Variants in NUP214 observed in about 807,000 individuals in gnomAD.
NUP214 encodes nuclear pore complex protein Nup214.
Under a neutral mutation model 196.2 loss-of-function variants are expected in NUP214, and 79 were observed. That is an observed-to-expected ratio of 0.40 (90% CI 0.34 to 0.49). The LOEUF (loss-of-function observed/expected upper bound fraction) is 0.49. Ranked by LOEUF, NUP214 falls within the 20% of genes least tolerant of loss-of-function variation. The pLI is 0.58. For synonymous variants in NUP214, 1,020 were observed against 990.5 expected (o/e 1.03, Z -0.56); for missense variants, 2,468 against 2,539.0 (o/e 0.97, Z 0.60).
intron 32 of NUP214, among the ~76,000 whole-genome samples, chr9:131,224,919 CT>C (rs1834681187): frequency 6.6e-6 from 1 of 152,174 alleles, no homozygotes; most frequent in Non-Finnish European, 1.5e-5. Context: ...TTTTCTTTGA[CT>C]CTTAACGGTT....
chr9:131,200,460 A>G (rs1050836691), intron 29 of NUP214, among the ~76,000 whole-genome samples: 3 of 152,228 alleles, frequency 2.0e-5, no homozygotes, highest in African/African-American at 7.2e-5. Context: ...CTGTAATCCT[A>G]ACACTTTGGG....
chr9:131,135,901 T>C (rs764661329), intron 8 of NUP214, 39 bp from the exon 9 acceptor site: 3 of 1,557,974 alleles, frequency 1.9e-6, no homozygotes, highest in Non-Finnish European at 2.7e-6. Flanking sequence ...GAACTATTGC[T>C]GTATTTGAAC....
chr9:131,164,234 T>A, intron 21 of NUP214, 90 bp downstream of exon 21: 1 of 1,111,254 alleles, frequency 9.0e-7, no homozygotes, highest in Non-Finnish European at 1.4e-6. Flanking sequence ...TGTGCATGTG[T>A]GAGCTAGGGT....
chr9:131,184,934 C>T (rs1032922144), intron 24 of NUP214, among the ~76,000 whole-genome samples: 2 of 152,148 alleles, frequency 1.3e-5, no homozygotes, highest in African/African-American at 4.8e-5. Flanking sequence ...TTTGTTTCTT[C>T]AGTTACTCTT....
rs1483061697 is a variant in NUP214 at position 131,144,313 on chromosome 9, C to T, written c.1328C>T (p.Ala443Val). The T allele has an allele frequency of 1.2e-6, 2 of 1,614,054 alleles. No individual in the cohort carries two copies. Among genetic ancestry groups the T allele is most frequent in the African/African-American group, 1.3e-5 (1 of 75,046 alleles). The change falls in exon 12 of 36, where the codon GCC becomes GTC. Residue 443 changes from alanine (A) to valine (V), a missense_variant. Transcript: ENST00000359428. ...STPTTPTSSQ[A>V]PQKLDASAAA... Reference sequence around the variant, plus strand: ...CCCACTACCCCAACCTCCTCTCAAGCCCCACAGAAACTGGATGCTTCTGCA... The same window carrying T: ...CCCACTACCCCAACCTCCTCTCAAGTCCCACAGAAACTGGATGCTTCTGCA...
intron 9 of NUP214, among the ~76,000 whole-genome samples, chr9:131,137,270 C>T (rs1165407280): frequency 6.6e-6 from 1 of 152,170 alleles, no homozygotes; most frequent in Admixed American, 6.5e-5. Flanking sequence ...TGAAAAGAAT[C>T]ACCCCTGCCC....
At chr9:131,166,657 A>G (rs918017738) in intron 21 of NUP214, among the ~76,000 whole-genome samples, 18 of 152,296 alleles carry the variant, frequency 1.2e-4, no homozygotes, top group Middle Eastern at 3.4e-3. Context: ...CAGGTCAAGA[A>G]ACAGAATATT....
At chr9:131,134,049 C>T (rs1474677026) in intron 7 of NUP214, among the ~76,000 whole-genome samples, 3 of 152,224 alleles carry the variant, frequency 2.0e-5, no homozygotes, top group African/African-American at 7.2e-5. Context: ...TGGGCTTAAG[C>T]CATCCTCCTG....
chr9:131,132,073 A>G (rs1441808346), intron 5 of NUP214, among the ~76,000 whole-genome samples: 2 of 144,356 alleles, frequency 1.4e-5, no homozygotes, highest in African/African-American at 5.2e-5. Context: ...CTCATTACCT[A>G]TATCTGAACA....
At position 131,192,226 on chromosome 9, in the gene NUP214, C is replaced by T; in HGVS notation, c.3593C>T (p.Thr1198Ile). 1.4e-6 allele frequency: 1 copy of T among 706,348 alleles called. No individual in the cohort carries two copies. Among genetic ancestry groups the T allele is most frequent in the Non-Finnish European group, 2.1e-6 (1 of 467,112 alleles). 43.8% of individuals were successfully genotyped at this position (706,348 alleles called of 1,614,324 possible). ...ATTTCAGGGACAGCCAAGATAGAAA[C>T]AGCTGTGACTTCAACCCCATCTGCT... ...DKASGTAKIE[T>I]AVTSTPSASG... Residue 1198 changes from threonine to isoleucine, a missense_variant, in exon 27 of 36, where the codon ACA becomes ATA. Coordinates refer to ENST00000359428, the MANE Select transcript of NUP214 (RefSeq NM_005085.4).
chr9:131,190,446 G>C (rs1833567199), intron 26 of NUP214: 2 of 692,304 alleles, frequency 2.9e-6, no homozygotes, highest in African/African-American at 3.5e-5. Context: ...CCTCTCTTTT[G>C]TTACGAGGTG....
intron 21 of NUP214, among the ~76,000 whole-genome samples, chr9:131,172,018 A>G (rs368554795): frequency 6.6e-6 from 1 of 151,990 alleles, no homozygotes; most frequent in Admixed American, 6.6e-5. Flanking sequence ...AAACATACGT[A>G]TGCATGTGTC....
chr9:131,155,711 C>G (rs751946951), intron 17 of NUP214, among the ~76,000 whole-genome samples: 6 of 152,132 alleles, frequency 3.9e-5, no homozygotes, highest in Non-Finnish European at 7.3e-5. Flanking sequence ...TGCCAATTAT[C>G]CCAGCACTAT....
At chr9:131,196,691 C>A (rs778925823) in intron 28 of NUP214, among the ~76,000 whole-genome samples, 2 of 152,114 alleles carry the variant, frequency 1.3e-5, no homozygotes, top group Non-Finnish European at 2.9e-5. Context: ...ACCACCAGAC[C>A]GTACTGCCTC....
At chr9:131,182,838 A>T (rs995291145) in intron 24 of NUP214, among the ~76,000 whole-genome samples, 1 of 151,888 alleles carries the variant, frequency 6.6e-6, no homozygotes, top group African/African-American at 2.4e-5. Context: ...CTATGACTCT[A>T]TTTTAACTTT....
intron 33 of NUP214, chr9:131,228,628 C>T: frequency 3.7e-6 from 1 of 273,816 alleles, no homozygotes; most frequent in Admixed American, 5.5e-5. Context: ...CCAGCCCTGC[C>T]TTAACTACTG....
chr9:131,199,661 GT>G (rs1263216142), intron 29 of NUP214, among the ~76,000 whole-genome samples: 1 of 152,154 alleles, frequency 6.6e-6, no homozygotes, highest in Non-Finnish European at 1.5e-5. Flanking sequence ...ACTTCTAAAA[GT>G]TATCAATAAG....
chr9:131,131,316 T>C (rs978332585), intron 5 of NUP214, among the ~76,000 whole-genome samples: 13 of 152,248 alleles, frequency 8.5e-5, no homozygotes, highest in African/African-American at 2.9e-4. Flanking sequence ...TGGATACTCT[T>C]GTTGCATGTG....
chr9:131,126,029 A>G, intron 1 of NUP214: 1 of 483,068 alleles, frequency 2.1e-6, no homozygotes, highest in South Asian at 2.6e-5. Flanking sequence ...TTGAGTGTTG[A>G]CTGTGTGCCA....
Sources: allele counts gnomAD v4.1 joint callset (sites outside exome capture counted in the v4.1 genomes callset), GRCh38; gene constraint gnomAD v4.1.1; transcripts MANE v1.5; gene names NCBI Gene and HGNC (gene_info 2026-07-23, HGNC 2026-07-21).